The following TFCP2 variants were observed in gnomAD, a reference collection of about 807,000 sequenced individuals.
The protein encoded by TFCP2 is transcription factor CP2, also known as alpha-globin transcription factor CP2.
In TFCP2, 33 loss-of-function variants were observed where a neutral mutation model predicts 73.4. The ratio of observed to expected loss-of-function variants is 0.45; its 90% CI spans 0.34 to 0.60. The LOEUF is 0.60. Among genes scored for constraint, TFCP2 ranks in the 20% least tolerant of loss-of-function variants. TFCP2 has a pLI of 0.01. For missense variants in TFCP2, 352 were observed against 604.0 expected, an observed-to-expected ratio of 0.58 and a Z score of 4.37; for synonymous variants, 193 against 211.6, an observed-to-expected ratio of 0.91 and a Z score of 0.76.
At chr12:51,118,484 G>C (rs1940586586) in intron 2 of TFCP2, 137 bp downstream of exon 2, 1 of 1,008,604 alleles carries the variant, frequency 9.9e-7, no homozygotes, top group South Asian at 1.8e-5. Context: ...GAACCCGGGA[G>C]GCAGAGCTTG....
chr12:51,122,938 T>C (rs1940719721), intron 1 of TFCP2, among the ~76,000 whole-genome samples: 2 of 152,212 alleles, frequency 1.3e-5, no homozygotes, highest in Non-Finnish European at 2.9e-5. Context: ...GATGATTCCT[T>C]AAAAGATTAG....
At chr12:51,136,302 T>TAAAA (rs11312082) in intron 1 of TFCP2, among the ~76,000 whole-genome samples, 2 of 136,704 alleles carry the variant, frequency 1.5e-5, no homozygotes, top group East Asian at 2.1e-4. Flanking sequence ...AGACTCTAAA[T>TAAAA]AAAAAAAAAA....
At chr12:51,105,641 C>T (rs1940217687) in intron 8 of TFCP2, among the ~76,000 whole-genome samples, 1 of 152,008 alleles carries the variant, frequency 6.6e-6, no homozygotes, top group Non-Finnish European at 1.5e-5. Context: ...CTGCAAAATT[C>T]AAATTTGGTA....
At chr12:51,108,977 T>C in intron 6 of TFCP2, 144 bp downstream of exon 6, 2 of 880,818 alleles carry the variant, frequency 2.3e-6, no homozygotes, top group Non-Finnish European at 3.4e-6. Flanking sequence ...ATCTTGGTAA[T>C]TATTTCAATG....
chr12:51,103,871 G>A, intron 9 of TFCP2, 108 bp from the exon 10 acceptor site: 2 of 906,050 alleles, frequency 2.2e-6, no homozygotes, highest in Non-Finnish European at 3.5e-6. Flanking sequence ...GGCCTAGTTT[G>A]TGAAAGTTGT....
intron 1 of TFCP2, among the ~76,000 whole-genome samples, chr12:51,140,697 A>T (rs1941172939): frequency 6.6e-6 from 1 of 151,308 alleles, no homozygotes; most frequent in Admixed American, 6.6e-5. Context: ...GGCTCAAGGG[A>T]TCCTCCTGCC....
In TFCP2 at chr12:51,114,208, T is replaced by C. The variant is rs141958732; in HGVS notation, c.457+2107A>G. ...TGATATATCTGCTATGGGGTTAATA[T>C]CCAGAATATTTTAAAAATTCTTTCA... On this transcript the variant is annotated intron_variant, in intron 4 of 14. Coordinates refer to ENST00000257915, the MANE Select transcript of TFCP2 (RefSeq NM_005653.5). 3.8e-3 allele frequency among the ~76,000 whole-genome samples: 572 copies of C among 152,200 alleles called. 1 individual carries two copies. The highest frequency in any genetic ancestry group is 0.036 in the East Asian group (185 of 5,176).
chr12:51,161,365 T>C (rs1228665941), intron 1 of TFCP2, among the ~76,000 whole-genome samples: 1 of 150,778 alleles, frequency 6.6e-6, no homozygotes, highest in African/African-American at 2.5e-5. Flanking sequence ...AACAGGACTA[T>C]ACGGCCCATT....
intron 1 of TFCP2, among the ~76,000 whole-genome samples, chr12:51,146,275 T>A (rs904503029): frequency 6.6e-6 from 1 of 151,604 alleles, no homozygotes; most frequent in Non-Finnish European, 1.5e-5. Flanking sequence ...GCCACTACAC[T>A]CCAGCCTGGG....
intron 1 of TFCP2, among the ~76,000 whole-genome samples, chr12:51,171,306 G>A (rs895472783): frequency 1.3e-5 from 2 of 152,172 alleles, no homozygotes; most frequent in African/African-American, 4.8e-5. Context: ...AAACTATACT[G>A]GAGGAATGAA....
chr12:51,119,728 C>T (rs1275482107), intron 1 of TFCP2, among the ~76,000 whole-genome samples: 1 of 147,914 alleles, frequency 6.8e-6, no homozygotes, highest in Non-Finnish European at 1.5e-5. Flanking sequence ...CCAGCCTGGG[C>T]AACAAAGGCG....
intron 14 of TFCP2, 89 bp from the exon 15 acceptor site, chr12:51,095,367 A>G: frequency 7.2e-7 from 1 of 1,379,902 alleles, no homozygotes; most frequent in South Asian, 1.2e-5. Flanking sequence ...TCTCGTGAGA[A>G]GGGGAGAAAA....
chr12:51,154,155 C>G (rs201748791), intron 1 of TFCP2, among the ~76,000 whole-genome samples: 2 of 152,170 alleles, frequency 1.3e-5, no homozygotes, highest in Non-Finnish European at 2.9e-5. Flanking sequence ...CCTATGAACA[C>G]TAAGTACACA....
At chr12:51,156,679 AG>A (rs1459821748) in intron 1 of TFCP2, among the ~76,000 whole-genome samples, 4 of 152,266 alleles carry the variant, frequency 2.6e-5, no homozygotes, top group African/African-American at 9.6e-5. Context: ...CGAAGTCATC[AG>A]GTCCAGAGAT....
At chr12:51,119,697 C>T (rs1032393417) in intron 1 of TFCP2, among the ~76,000 whole-genome samples, 2 of 151,564 alleles carry the variant, frequency 1.3e-5, no homozygotes, top group Non-Finnish European at 2.9e-5. Context: ...TTGTAGTGAG[C>T]CGAGATGGTG....
chr12:51,170,844 A>G (rs912629520), intron 1 of TFCP2, among the ~76,000 whole-genome samples: 1 of 151,770 alleles, frequency 6.6e-6, no homozygotes, highest in Non-Finnish European at 1.5e-5. Context: ...ACACCCGTCT[A>G]ATTTTTTGAA....
chr12:51,119,426 G>A (rs994390756), intron 1 of TFCP2, among the ~76,000 whole-genome samples: 36 of 152,330 alleles, frequency 2.4e-4, no homozygotes, highest in African/African-American at 8.4e-4. Flanking sequence ...ACATAAAACA[G>A]TTTAGGAAAA....
chr12:51,147,538 A>G (rs112091569), intron 1 of TFCP2, among the ~76,000 whole-genome samples: 57 of 146,372 alleles, frequency 3.9e-4, no homozygotes, highest in South Asian at 6.6e-4. Context: ...GTGGGGGGGG[A>G]AAGAGAGAAG....
At chr12:51,149,024 CAA>C (rs60318954) in intron 1 of TFCP2, among the ~76,000 whole-genome samples, 1,109 of 38,020 alleles carry the variant, frequency 0.029, 42 homozygotes, top group Middle Eastern at 0.11. Context: ...GACTCCATCT[CAA>C]AAAAAAAAAA....
Sources: allele counts gnomAD v4.1 joint callset (sites outside exome capture counted in the v4.1 genomes callset), GRCh38; gene constraint gnomAD v4.1.1; transcripts MANE v1.5; gene names NCBI Gene and HGNC (gene_info 2026-07-23, HGNC 2026-07-21).